SMAP1: variants seen among roughly 807,000 people sequenced by gnomAD.
SMAP1 encodes the protein small ArfGAP 1.
A neutral mutation model predicts 58.5 loss-of-function variants in SMAP1; 24 were observed. That is an observed-to-expected ratio of 0.41 (90% CI 0.30 to 0.58). The LOEUF is 0.58. SMAP1 is among the 20% of genes least tolerant of loss of function. The pLI is 0.29. For missense variants in SMAP1, 563 were observed against 566.3 expected, an observed-to-expected ratio of 0.99 and a Z score of 0.06; for synonymous variants, 216 against 196.6, an observed-to-expected ratio of 1.10 and a Z score of -0.82.
chr6:70,794,890 G>A (rs1377848430), intron 5 of SMAP1, among the ~76,000 whole-genome samples: 2 of 149,374 alleles, frequency 1.3e-5, no homozygotes, highest in Admixed American at 6.8e-5. Context: ...CCGGGTTCAC[G>A]CCATTCTCCT....
chr6:70,740,341 C>T lies in SMAP1; in HGVS notation c.252+7830C>T, dbSNP rs572180872. Among the ~76,000 whole-genome samples the T allele has an allele frequency of 1.1e-3, 163 of 152,230 alleles. 2 individuals carry two copies. The highest frequency in any genetic ancestry group is 1.8e-3 in the Non-Finnish European group (121 of 68,016). ...TTGGGAGGCCAAGGTGGGTGGATCA[C>T]CTGAGGTCAGGAGTTCGAACCAGCC... is the stretch of plus-strand genomic sequence containing the variant. On this transcript the variant is annotated intron_variant, in intron 2 of 10. Transcript: ENST00000370455.
At chr6:70,728,545 C>T (rs1024570064) in intron 1 of SMAP1, among the ~76,000 whole-genome samples, 6 of 152,122 alleles carry the variant, frequency 3.9e-5, no homozygotes, top group African/African-American at 1.4e-4. Flanking sequence ...ATTATACAGT[C>T]GATTCCCTTA....
At chr6:70,738,893 AAAG>A (rs1765714584) in intron 2 of SMAP1, among the ~76,000 whole-genome samples, 1 of 152,228 alleles carries the variant, frequency 6.6e-6, no homozygotes, top group Non-Finnish European at 1.5e-5. Context: ...TAAGTACATT[AAAG>A]AAGTTTTCTG....
At chr6:70,709,833 CA>C (rs1767979439) in intron 1 of SMAP1, among the ~76,000 whole-genome samples, 2 of 152,002 alleles carry the variant, frequency 1.3e-5, no homozygotes, top group East Asian at 3.9e-4. Context: ...AATTCATGAA[CA>C]CAAGGTATCT....
At chr6:70,843,385 G>C (rs62419729) in intron 7 of SMAP1, among the ~76,000 whole-genome samples, 26,301 of 152,142 alleles carry the variant, frequency 0.17, 2,417 homozygotes, top group Middle Eastern at 0.25. Flanking sequence ...CTAGATGCCA[G>C]GGGCTGTCTT....
chr6:70,714,540 A>G (rs1445523862), intron 1 of SMAP1, among the ~76,000 whole-genome samples: 1 of 152,094 alleles, frequency 6.6e-6, no homozygotes, highest in Non-Finnish European at 1.5e-5. Context: ...CTATTGTATT[A>G]TGTATTTAAG....
intron 6 of SMAP1, among the ~76,000 whole-genome samples, chr6:70,804,234 A>G (rs1239617139): frequency 6.6e-6 from 1 of 151,320 alleles, no homozygotes; most frequent in Non-Finnish European, 1.5e-5. Flanking sequence ...CTTTACCGTT[A>G]TGTAATGGCT....
At chr6:70,749,460 A>G (rs1294723519) in intron 2 of SMAP1, among the ~76,000 whole-genome samples, 1 of 152,216 alleles carries the variant, frequency 6.6e-6, no homozygotes, top group African/African-American at 2.4e-5. Flanking sequence ...CCTTCTGTTA[A>G]ACATTGATAT....
At chr6:70,783,510 C>T (rs997023856) in intron 4 of SMAP1, among the ~76,000 whole-genome samples, 9 of 151,850 alleles carry the variant, frequency 5.9e-5, no homozygotes, top group Non-Finnish European at 8.8e-5. Flanking sequence ...CTCCGAGCTA[C>T]GGGAGGAAAC....
chr6:70,809,906 G>T (rs1345553093), intron 6 of SMAP1, among the ~76,000 whole-genome samples: 2 of 152,054 alleles, frequency 1.3e-5, no homozygotes, highest in African/African-American at 2.4e-5. Flanking sequence ...CTATATATTA[G>T]GTTTAGGAAG....
intron 1 of SMAP1, among the ~76,000 whole-genome samples, chr6:70,712,804 T>C (rs1043630723): frequency 1.0e-4 from 15 of 149,646 alleles, no homozygotes; most frequent in Non-Finnish European, 1.6e-4. Flanking sequence ...TTTCTTTTTT[T>C]TTTTTTTGAG....
At chr6:70,770,373 C>G (rs1243789111) in intron 3 of SMAP1, among the ~76,000 whole-genome samples, 2 of 152,218 alleles carry the variant, frequency 1.3e-5, no homozygotes, top group East Asian at 3.8e-4. Context: ...CTCCCCGTCA[C>G]TTTCAGGTAG....
Position 70,801,882 on chromosome 6 carries a change from T to G in SMAP1, c.576+3145T>G, listed in dbSNP as rs1026546975. On this transcript the variant is annotated intron_variant, in intron 6 of 10. Coordinates refer to ENST00000370455, the MANE Select transcript of SMAP1 (RefSeq NM_001044305.3). ...CTGTTCCATTGGTCTATCTCTCTGT[T>G]TTGGTACCAGCAACATGCTGTTTTG... Among the ~76,000 whole-genome samples the G allele has an allele frequency of 4.6e-5, 7 of 152,226 alleles. No individual in the cohort carries two copies. The East Asian group carries it at 1.2e-3, about 25-fold the overall frequency.
intron 3 of SMAP1, among the ~76,000 whole-genome samples, chr6:70,770,466 C>T (rs537818169): frequency 6.6e-6 from 1 of 152,250 alleles, no homozygotes; most frequent in South Asian, 2.1e-4. Flanking sequence ...TCTTTTTTCT[C>T]TAAACTTCCC....
chr6:70,760,764 T>C (rs1310944961), intron 3 of SMAP1, among the ~76,000 whole-genome samples: 1 of 152,086 alleles, frequency 6.6e-6, no homozygotes, highest in Non-Finnish European at 1.5e-5. Flanking sequence ...TCATATAATA[T>C]GGGACCTCAT....
At chr6:70,719,867 A>G (rs1768443225) in intron 1 of SMAP1, among the ~76,000 whole-genome samples, 1 of 152,150 alleles carries the variant, frequency 6.6e-6, no homozygotes, top group Non-Finnish European at 1.5e-5. Context: ...CTCCTACAAC[A>G]TGTGGGAATT....
chr6:70,836,904 T>C (rs1268302863), intron 6 of SMAP1, 37 bp from the exon 7 acceptor site: 1 of 1,470,632 alleles, frequency 6.8e-7, no homozygotes, highest in African/African-American at 1.4e-5. Context: ...TAAATTTACT[T>C]AAGAAAAATT....
intron 1 of SMAP1, among the ~76,000 whole-genome samples, chr6:70,702,243 A>G (rs895918541): frequency 1.7e-5 from 2 of 120,094 alleles, no homozygotes; most frequent in African/African-American, 5.8e-5. Context: ...TCTTGGTTCT[A>G]TGGGTTTATA....
chr6:70,841,492 CA>C (rs35931041), intron 7 of SMAP1, among the ~76,000 whole-genome samples: 85,741 of 151,876 alleles, frequency 0.56, 24,558 homozygotes, highest in East Asian at 0.76. Context: ...CAGGGGTGTA[CA>C]TCATGTGTTT....
Sources: gnomAD v4.1 joint callset for allele counts (sites outside exome capture counted in the v4.1 genomes callset) on GRCh38, gnomAD v4.1.1 for gene constraint, MANE v1.5 for transcripts, NCBI Gene and HGNC (gene_info 2026-07-23, HGNC 2026-07-21) for gene names.